BOLL: variants seen among roughly 807,000 people sequenced by gnomAD.
BOLL encodes the protein protein boule-like.
BOLL carries 23 observed loss-of-function variants against 44.4 expected under a neutral mutation model. The observed-to-expected ratio is 0.52, with a 90% CI of 0.37 to 0.73. The LOEUF (loss-of-function observed/expected upper bound fraction) is 0.73. BOLL is among the 30% of genes least tolerant of loss of function. The pLI, the probability that BOLL is intolerant of heterozygous loss-of-function variation, is 0.00. For missense variants in BOLL, 287 were observed against 338.3 expected (o/e 0.85, Z 1.19); for synonymous variants, 97 against 110.8 (o/e 0.88, Z 0.78).
intron 5 of BOLL, among the ~76,000 whole-genome samples, chr2:197,772,319 G>A (rs527644354): frequency 1.3e-5 from 2 of 152,088 alleles, no homozygotes; most frequent in East Asian, 3.9e-4. Flanking sequence ...GTAATTATTT[G>A]TACAAATATA....
chr2:197,753,378 G>A (rs917913666), intron 9 of BOLL, among the ~76,000 whole-genome samples: 1 of 152,082 alleles, frequency 6.6e-6, no homozygotes, highest in Admixed American at 6.5e-5. Context: ...GAAAATTTTT[G>A]CCATCTATCC....
At chr2:197,766,717 T>A in intron 6 of BOLL, 114 bp from the exon 7 acceptor site, 3 of 729,336 alleles carry the variant, frequency 4.1e-6, no homozygotes, top group Non-Finnish European at 6.9e-6. Flanking sequence ...TGATTAGAAA[T>A]ATTATTTTTC....
intron 1 of BOLL, 156 bp downstream of exon 1, chr2:197,784,900 G>C: frequency 1.0e-6 from 1 of 987,174 alleles, no homozygotes. Context: ...TGCCGGGTTT[G>C]AAGGCTCCTC....
chr2:197,773,371 A>C (rs995377706), intron 5 of BOLL, among the ~76,000 whole-genome samples: 3 of 151,958 alleles, frequency 2.0e-5, no homozygotes, highest in African/African-American at 7.2e-5. Context: ...GTGATACAGC[A>C]AAAAATAAAA....
chr2:197,754,566 C>T (rs1404475110), intron 9 of BOLL, among the ~76,000 whole-genome samples: 1 of 151,812 alleles, frequency 6.6e-6, no homozygotes, highest in African/African-American at 2.4e-5. Flanking sequence ...AAATATTAGC[C>T]AGCTGGGCAT....
rs115905913 is a variant in BOLL, at chr2:197,743,352, G to A, written c.730-193C>T. Among the ~76,000 whole-genome samples the A allele has an allele frequency of 4.1e-3, 620 of 152,300 alleles. 4 individuals carry two copies. The highest frequency in any genetic ancestry group is 0.014 in the African/African-American group (577 of 41,562). ...TAACTTATGAATTAACTTGTAATCT[G>A]ATGAGGGAAATAGACAGTAGTCAGA... On this transcript the variant is annotated intron_variant, in intron 9 of 10. Transcript: ENST00000392296.
chr2:197,781,432 G>GT (rs1689774872), intron 2 of BOLL, among the ~76,000 whole-genome samples: 1 of 152,152 alleles, frequency 6.6e-6, no homozygotes, highest in East Asian at 1.9e-4. Flanking sequence ...GTATGGAAGA[G>GT]TATGGAGCTA....
At position 197,781,751 on chromosome 2, in the gene BOLL, G is replaced by A. The variant is rs377264153; in HGVS notation, c.100C>T (p.Arg34Cys). Residue 34 changes from arginine (R) to cysteine (C), a missense_variant, in exon 2 of 11, where the codon CGC (arginine) becomes TGC (cysteine). Arg to Cys is a radical substitution (Grantham distance 180). Transcript: ENST00000392296. ...AAATCAATTCCTCCTACAAAGATGC[G>A]ATTAGGGATCACTGTTCCATATCTT... ...APRYGTVIPNRIFVGGIDFKT... is the reference protein window; with the variant it reads ...APRYGTVIPNCIFVGGIDFKT... 22 of 1,580,268 alleles carry A rather than the reference G, an allele frequency of 1.4e-5. No homozygotes were observed. Among genetic ancestry groups the A allele is most frequent in the East Asian group, 9.0e-5 (4 of 44,688 alleles).
intron 6 of BOLL, among the ~76,000 whole-genome samples, chr2:197,770,301 A>T (rs1285970815): frequency 3.3e-5 from 5 of 152,218 alleles, no homozygotes; most frequent in Non-Finnish European, 7.3e-5. Context: ...ATATGTAGAA[A>T]GCTGAAACTG....
chr2:197,727,712 A>G lies in BOLL; in HGVS notation c.*843T>C, dbSNP rs1686906611. ...ATTCAAAGAACAGTAATTTGGTGGA[A>G]TTTCAGTCAGTGTTATGGGATCATG... On this transcript the variant is annotated 3_prime_UTR_variant, in exon 11 of 11. Coordinates refer to ENST00000392296, the MANE Select transcript of BOLL (RefSeq NM_033030.6). 1 of 152,358 alleles carries G rather than the reference A, an allele frequency of 6.6e-6. No homozygotes were observed. The highest frequency in any genetic ancestry group is 1.5e-5 in the Non-Finnish European group (1 of 68,024). The allele number at this position is 152,358 out of a possible 1,614,324, so 9.4% of individuals were successfully genotyped here. A position where few individuals can be genotyped will look rare whatever the true frequency, so the allele number is the denominator to read the frequency against.
chr2:197,780,134 A>G (rs1051763605), intron 2 of BOLL, among the ~76,000 whole-genome samples: 1 of 152,082 alleles, frequency 6.6e-6, no homozygotes, highest in Non-Finnish European at 1.5e-5. Flanking sequence ...AATTCCAACT[A>G]TTCTCTGGTA....
At position 197,736,389 on chromosome 2, in the gene BOLL, TA is replaced by T. The variant is rs1207210861; in HGVS notation, c.828+6671del. Reference sequence around the variant, plus strand: ...GACATGACAAATTAATGTAGGATCTTAGATTAGATCCTAGAACAGAAAAAGA... The same window carrying T: ...GACATGACAAATTAATGTAGGATCTTGATTAGATCCTAGAACAGAAAAAGA... On this transcript the variant is annotated intron_variant, in intron 10 of 10. Transcript: ENST00000392296. Among the ~76,000 whole-genome samples the T allele has an allele frequency of 2.0e-5, 3 of 152,116 alleles. No homozygotes were observed. In the East Asian group the frequency reaches 5.8e-4, roughly 29 times the overall value.
At chr2:197,736,892 C>A (rs1687519322) in intron 10 of BOLL, among the ~76,000 whole-genome samples, 1 of 152,066 alleles carries the variant, frequency 6.6e-6, no homozygotes, top group African/African-American at 2.4e-5. Context: ...TCTATTCTAG[C>A]ATTTTATCTC....
chr2:197,767,999 T>A (rs1689071708), intron 6 of BOLL, among the ~76,000 whole-genome samples: 1 of 151,968 alleles, frequency 6.6e-6, no homozygotes, highest in African/African-American at 2.4e-5. Flanking sequence ...GAAATAGAAG[T>A]ACACTGAATC....
chr2:197,738,808 T>C lies in BOLL; in HGVS notation c.828+4253A>G, dbSNP rs975539096. On this transcript the variant is annotated intron_variant, in intron 10 of 10. Transcript: ENST00000392296. The stretch of plus-strand genomic sequence containing the variant: ...CAAGATTTTTGGTACTAGAGAAAAT[T>C]TGCATTGGAAGTAAAAAAAGGCTAA... 4.6e-5 allele frequency among the ~76,000 whole-genome samples: 7 copies of C among 152,140 alleles called. 1 individual carries two copies. The highest frequency in any genetic ancestry group is 8.8e-5 in the Non-Finnish European group (6 of 68,012).
At chr2:197,729,194 G>C (rs961917083) in intron 10 of BOLL, among the ~76,000 whole-genome samples, 4 of 152,204 alleles carry the variant, frequency 2.6e-5, no homozygotes, top group African/African-American at 9.6e-5. Context: ...TTCCCTTTCT[G>C]AGTCAAAGAA....
chr2:197,754,383 T>G (rs912729178), intron 9 of BOLL, among the ~76,000 whole-genome samples: 11 of 152,006 alleles, frequency 7.2e-5, no homozygotes, highest in African/African-American at 2.2e-4. Context: ...TCAAGATGGA[T>G]TAAAGACTTA....
At chr2:197,754,725 C>T (rs927237704) in intron 9 of BOLL, among the ~76,000 whole-genome samples, 2 of 145,022 alleles carry the variant, frequency 1.4e-5, no homozygotes, top group Admixed American at 7.0e-5. Context: ...AAAAACAAAA[C>T]AAAAAACAAA....
intron 9 of BOLL, among the ~76,000 whole-genome samples, chr2:197,747,040 C>A (rs1688018161): frequency 6.6e-6 from 1 of 151,900 alleles, no homozygotes; most frequent in Non-Finnish European, 1.5e-5. Flanking sequence ...TACTGTATAG[C>A]ATGACTATAG....
Sources: gnomAD v4.1 joint callset for allele counts (sites outside exome capture counted in the v4.1 genomes callset) on GRCh38, gnomAD v4.1.1 for gene constraint, MANE v1.5 for transcripts, NCBI Gene and HGNC (gene_info 2026-07-23, HGNC 2026-07-21) for gene names.